The following CCDC181 variants were observed in gnomAD, a reference collection of about 807,000 sequenced individuals.
CCDC181 encodes coiled-coil domain-containing protein 181.
A neutral mutation model predicts 58.7 loss-of-function variants in CCDC181; 35 were observed. The observed-to-expected ratio is 0.60, with a 90% CI of 0.46 to 0.79. The LOEUF is 0.79. Among genes scored for constraint, CCDC181 ranks in the 30% least tolerant of loss-of-function variants. The pLI is 0.00. For missense variants in CCDC181, 517 were observed against 583.9 expected, an observed-to-expected ratio of 0.89 and a Z score of 1.18; for synonymous variants, 183 against 197.5, an observed-to-expected ratio of 0.93 and a Z score of 0.62.
intron 4 of CCDC181, among the ~76,000 whole-genome samples, chr1:169,400,912 T>A (rs61807017): frequency 0.27 from 40,333 of 152,014 alleles, 6,718 homozygotes; most frequent in Non-Finnish European, 0.38. Context: ...AGGGAAGCTA[T>A]GACAGATGGT....
In CCDC181 at chr1:169,394,930, CAATA is replaced by C; in HGVS notation, c.*113_*116del. The stretch of plus-strand genomic sequence containing the variant: ...AGTATTAAAAAAACAAATTCACTGT[CAATA>C]AAAGATAAATACCATTTCCATAATT... On this transcript the variant is annotated 3_prime_UTR_variant, in exon 6 of 6. Transcript: ENST00000367806. 1.1e-6 allele frequency: 1 copy of C among 939,458 alleles called. No individual in the cohort carries two copies. Among genetic ancestry groups the C allele is most frequent in the Non-Finnish European group, 1.5e-6 (1 of 667,164 alleles). The allele number at this position is 939,458 out of a possible 1,614,324, so 58.2% of individuals were successfully genotyped here.
At chr1:169,455,270 T>C (rs1003998779) in intron 2 of CCDC181, among the ~76,000 whole-genome samples, 1 of 152,048 alleles carries the variant, frequency 6.6e-6, no homozygotes, top group East Asian at 1.9e-4. Flanking sequence ...ATAGCCATTA[T>C]GGATAATTTG....
intron 4 of CCDC181, among the ~76,000 whole-genome samples, chr1:169,399,490 T>C (rs183830356): frequency 1.3e-5 from 2 of 152,328 alleles, no homozygotes; most frequent in African/African-American, 4.8e-5. Context: ...ATCAGAATGA[T>C]AGACTGCATT....
intron 3 of CCDC181, among the ~76,000 whole-genome samples, chr1:169,420,466 A>G (rs952383407): frequency 8.0e-5 from 12 of 149,724 alleles, no homozygotes; most frequent in African/African-American, 1.5e-4. Flanking sequence ...ATAATTTCCC[A>G]TATAAAGTAG....
At chr1:169,400,673 T>A (rs1404615654) in intron 4 of CCDC181, among the ~76,000 whole-genome samples, 2 of 151,942 alleles carry the variant, frequency 1.3e-5, no homozygotes, top group East Asian at 3.9e-4. Flanking sequence ...AAATGGAAAT[T>A]TAAAAAAATA....
chr1:169,450,904 T>C (rs1371355977), intron 2 of CCDC181, among the ~76,000 whole-genome samples: 3 of 152,176 alleles, frequency 2.0e-5, no homozygotes, highest in African/African-American at 2.4e-5. Context: ...GTTAAGAACT[T>C]TTCATATTCA....
intron 2 of CCDC181, among the ~76,000 whole-genome samples, chr1:169,456,946 T>C (rs769891922): frequency 6.6e-6 from 1 of 152,186 alleles, no homozygotes; most frequent in Non-Finnish European, 1.5e-5. Context: ...GGATAATCCA[T>C]TGCTGGCATG....
intron 2 of CCDC181, among the ~76,000 whole-genome samples, chr1:169,448,665 G>T (rs1397374423): frequency 6.7e-6 from 1 of 150,016 alleles, no homozygotes. Context: ...ATCCTGCTTG[G>T]TGTTCTCTGA....
rs1011225011 is a variant in CCDC181 at position 169,405,680 on chromosome 1, G to A, written c.1216-8289C>T. Among the ~76,000 whole-genome samples, 12 of 152,282 alleles carry A rather than the reference G, an allele frequency of 7.9e-5. No individual in the cohort carries two copies. The East Asian group carries it at 1.5e-3, about 20-fold the overall frequency. ...TTCAAGATGGATTAAAGACTTAAAT[G>A]TTAGACCTAAAACCATAAAAACCCT... On this transcript the variant is annotated intron_variant, in intron 4 of 5. Transcript: ENST00000367806.
chr1:169,422,177 G>A lies in CCDC181; in HGVS notation c.254C>T (p.Ser85Phe), dbSNP rs761575371. The A allele has an allele frequency of 6.2e-7, 1 of 1,613,840 alleles. No homozygotes were observed. Among genetic ancestry groups the A allele is most frequent in the Admixed American group, 1.7e-5 (1 of 59,914 alleles). ...EVSPRRNDIISVPGIQPLDPI... is the reference protein window; with the variant it reads ...EVSPRRNDIIFVPGIQPLDPI... ...ATCCAAAGGTTGAATACCTGGTACA[G>A]AAATGATGTCATTTCTTCTTGGTGA... Residue 85 changes from serine (S) to phenylalanine (F), a missense_variant, in exon 3 of 6, where the codon TCT becomes TTT. Transcript: ENST00000367806.
At chr1:169,423,642 T>C (rs1163772706) in intron 2 of CCDC181, among the ~76,000 whole-genome samples, 1 of 152,012 alleles carries the variant, frequency 6.6e-6, no homozygotes, top group African/African-American at 2.4e-5. Flanking sequence ...TCTGATATGA[T>C]AGGTGATCAT....
Position 169,397,314 on chromosome 1 carries a change from C to G in CCDC181, c.1293G>C (p.Gln431His). The G allele has an allele frequency of 6.2e-7, 1 of 1,611,696 alleles. No individual in the cohort carries two copies. Among genetic ancestry groups the G allele is most frequent in the Non-Finnish European group, 8.5e-7 (1 of 1,178,954 alleles). Residue 431 changes from glutamine (Q) to histidine (H), a missense_variant, in exon 5 of 6, where the codon CAG becomes CAC. Gln to His is a conservative substitution (Grantham distance 24, BLOSUM62 0). Transcript: ENST00000367806. ...CCTCTTGCTTTCTTAGTTCTTCTGT[C>G]TGTCTTTCTTTCATCTGCTCTTCGT... ...KKHEEQMKER[Q>H]TEELRKQEEC... is the part of the protein sequence containing the mutation.
intron 4 of CCDC181, among the ~76,000 whole-genome samples, chr1:169,407,122 C>T (rs1265865250): frequency 2.1e-5 from 3 of 145,792 alleles, no homozygotes; most frequent in South Asian, 4.3e-4. Flanking sequence ...TGGTACAAAA[C>T]ATGAACATAA....
upstream of CCDC181, among the ~76,000 whole-genome samples, chr1:169,431,437 T>A (rs1656916224): frequency 6.6e-6 from 1 of 152,202 alleles, no homozygotes; most frequent in African/African-American, 2.4e-5. Flanking sequence ...AATGGAATAT[T>A]ATTCTGCAAT....
chr1:169,399,534 C>G (rs780923639), intron 4 of CCDC181, among the ~76,000 whole-genome samples: 241 of 151,816 alleles, frequency 1.6e-3, no homozygotes, highest in Non-Finnish European at 2.9e-3. Context: ...AAGATCATAG[C>G]AAATAACTCT....
Position 169,419,392 on chromosome 1 carries a change from C to A in CCDC181, c.1069-233G>T, listed in dbSNP as rs536738203. Among the ~76,000 whole-genome samples, 275 of 152,194 alleles carry A rather than the reference C, an allele frequency of 1.8e-3. 1 individual carries two copies. Among genetic ancestry groups the A allele is most frequent in the African/African-American group, 6.2e-3 (256 of 41,540 alleles). On this transcript the variant is annotated intron_variant, in intron 3 of 5. Transcript: ENST00000367806. ...GTCAGGAGTTCGAGACCAGACTGGC[C>A]AACATGGTGAAAACCCATCTCTACC...
At chr1:169,423,879 A>G (rs1413012669) in intron 2 of CCDC181, among the ~76,000 whole-genome samples, 1 of 152,012 alleles carries the variant, frequency 6.6e-6, no homozygotes, top group African/African-American at 2.4e-5. Context: ...CTCTGTTTCC[A>G]TCTTCAAACA....
At chr1:169,418,100 T>A (rs964436363) in intron 4 of CCDC181, among the ~76,000 whole-genome samples, 2 of 152,228 alleles carry the variant, frequency 1.3e-5, no homozygotes, top group Non-Finnish European at 2.9e-5. Context: ...GAGGTTACTT[T>A]TGCATCTTTA....
rs1204442986 is a variant in CCDC181 at position 169,447,682 on chromosome 1, C to A, written c.-24+12115G>T. Among the ~76,000 whole-genome samples the A allele has an allele frequency of 2.0e-5, 3 of 152,180 alleles. No homozygotes were observed. The East Asian group carries it at 5.8e-4, about 29-fold the overall frequency. On this transcript the variant is annotated intron_variant, in intron 2 of 6. Transcript: ENST00000545005. The stretch of plus-strand genomic sequence containing the variant: ...TGCCTATATGTCTCACGTAATTTAA[C>A]CCTTTGTTGTTAGATGCATGCTAAG...
Sources: gnomAD v4.1 joint callset for allele counts (sites outside exome capture counted in the v4.1 genomes callset) on GRCh38, gnomAD v4.1.1 for gene constraint, MANE v1.5 for transcripts, NCBI Gene and HGNC (gene_info 2026-07-23, HGNC 2026-07-21) for gene names.